The following MON1B variants were observed in gnomAD, a reference collection of about 807,000 sequenced individuals.
MON1B encodes the protein MON1 vesicular trafficking associated B.
Under a neutral mutation model 45.1 loss-of-function variants are expected in MON1B, and 26 were observed. The ratio of observed to expected loss-of-function variants is 0.58; its 90% confidence interval spans 0.42 to 0.80. The LOEUF is 0.80. Ranked by LOEUF, MON1B falls within the 30% of genes least tolerant of loss-of-function variation. The pLI is 0.00. For missense variants in MON1B, 737 were observed against 754.5 expected, an observed-to-expected ratio of 0.98 and a Z score of 0.27; for synonymous variants, 395 against 320.2, an observed-to-expected ratio of 1.23 and a Z score of -2.49.
chr16:77,199,911 C>T lies in MON1B; in HGVS notation c.*1603C>T, dbSNP rs2054712682. The T allele has an allele frequency of 6.3e-6, 1 of 159,536 alleles. No homozygotes were observed. Among genetic ancestry groups the T allele is most frequent in the Non-Finnish European group, 1.4e-5 (1 of 73,238 alleles). The allele number at this position is 159,536 out of a possible 1,614,324, so 9.9% of individuals were successfully genotyped here. On this transcript the variant is annotated 3_prime_UTR_variant, in exon 6 of 6. Coordinates refer to ENST00000248248, the MANE Select transcript of MON1B (RefSeq NM_014940.4). ...TATGACACTTTGATGGACTCTTAAA[C>T]CTCCTAATCGAACATGGCCTCCCCC...
chr16:77,191,216 G>A lies in MON1B; in HGVS notation c.-53G>A. On this transcript the variant is annotated 5_prime_UTR_variant, in exon 1 of 6. Transcript: ENST00000248248. The stretch of plus-strand genomic sequence containing the variant: ...AGTGTGATGCCACCGCCGCTACGGG[G>A]AAGTAATGGTATCCGGCCAATTGAG... 6.5e-7 allele frequency: 1 copy of A among 1,536,350 alleles called. No homozygotes were observed. The highest frequency in any genetic ancestry group is 8.7e-7 in the Non-Finnish European group (1 of 1,146,920).
chr16:77,195,772 C>T, intron 5 of MON1B, 90 bp downstream of exon 5: 1 of 1,493,618 alleles, frequency 6.7e-7, no homozygotes, highest in South Asian at 1.2e-5. Context: ...GTGCCTCCAC[C>T]AAACACAGCA....
In MON1B at chr16:77,193,433, C is replaced by T; in HGVS notation, c.149-18C>T. The T allele has an allele frequency of 6.5e-7, 1 of 1,535,538 alleles. No individual in the cohort carries two copies. Among genetic ancestry groups the T allele is most frequent in the Non-Finnish European group, 8.8e-7 (1 of 1,141,040 alleles). ...TAGGAGTTCACATGCAGATGACCCA[C>T]CAGGGGCTCCCTTTCAGGATCCAAG... On this transcript the variant is annotated intron_variant, in intron 2 of 5. Transcript: ENST00000248248. The surrounding 1 kb of genome is among the most constrained non-coding windows in gnomAD (Gnocchi z 5.0).
In MON1B at chr16:77,194,378, C is replaced by A. The variant is rs370109562; in HGVS notation, c.519C>A (p.Leu173=). Residue 173 remains leucine (L), a synonymous_variant, in exon 4 of 6, where the codon CTC becomes CTA. Transcript: ENST00000248248. This position sits in a 1 kb window ranked among gnomAD's most constrained non-coding sequence, Gnocchi z 8.1. ...LVFLQQGPLL[L]VAMSRTSQSA... ...TCCTACAACAGGGCCCACTGTTGCT[C>A]GTGGCCATGTCACGGACTTCTCAGT... The A allele has an allele frequency of 6.2e-7, 1 of 1,611,312 alleles. No homozygotes were observed. The highest frequency in any genetic ancestry group is 8.5e-7 in the Non-Finnish European group (1 of 1,179,988).
Position 77,194,365 on chromosome 16 carries a change from G to T in MON1B, c.506G>T (p.Gly169Val). 6.2e-7 allele frequency: 1 copy of T among 1,609,256 alleles called. No homozygotes were observed. The change falls in exon 4 of 6, where the codon GGC becomes GTC. Residue 169 changes from glycine (G) to valine (V), a missense_variant. Coordinates refer to ENST00000248248, the MANE Select transcript of MON1B (RefSeq NM_014940.4). The surrounding 1 kb of genome is among the most constrained non-coding windows in gnomAD (Gnocchi z 8.1). ...EDHKLVFLQQ[G>V]PLLLVAMSRT... is the part of the protein sequence containing the mutation. The stretch of plus-strand genomic sequence containing the variant: ...CACAAGCTGGTGTTCCTACAACAGG[G>T]CCCACTGTTGCTCGTGGCCATGTCA...
At position 77,199,860 on chromosome 16, in the gene MON1B, A is replaced by G. The variant is rs1237610465; in HGVS notation, c.*1552A>G. Reference sequence around the variant, plus strand: ...CCACCCCTTATTAACAGTAATTCCCAGTGTCGCCATTTCACACCTAACACA... The same window carrying G: ...CCACCCCTTATTAACAGTAATTCCCGGTGTCGCCATTTCACACCTAACACA... On this transcript the variant is annotated 3_prime_UTR_variant, in exon 6 of 6. Transcript: ENST00000248248. 1 of 198,320 alleles carries G rather than the reference A, an allele frequency of 5.0e-6. No homozygotes were observed. Among genetic ancestry groups the G allele is most frequent in the East Asian group, 1.3e-4 (1 of 7,508 alleles). The allele number at this position is 198,320 out of a possible 1,614,324, so 12.3% of individuals were successfully genotyped here. A position where few individuals can be genotyped will look rare whatever the true frequency, so the allele number is the denominator to read the frequency against.
rs1400044403 is a variant in MON1B, at chr16:77,199,259, C to T, written c.*951C>T. The T allele has an allele frequency of 1.0e-5, 6 of 587,788 alleles. No individual in the cohort carries two copies. The highest frequency in any genetic ancestry group is 1.8e-5 in the Non-Finnish European group (6 of 325,974). The allele number at this position is 587,788 out of a possible 1,614,324, so 36.4% of individuals were successfully genotyped here. On this transcript the variant is annotated 3_prime_UTR_variant, in exon 6 of 6. Coordinates refer to ENST00000248248, the MANE Select transcript of MON1B (RefSeq NM_014940.4). ...CTGCCCTTGTTTGTGGAGTTACAGC[C>T]TCAAGGTTGTAGCATGTGTGCTGGC...
rs2142498269 is a variant in MON1B at position 77,194,247 on chromosome 16, G to A, written c.476-88G>A. The A allele has an allele frequency of 8.4e-7, 1 of 1,195,428 alleles. No individual in the cohort carries two copies. The highest frequency in any genetic ancestry group is 1.5e-5 in the African/African-American group (1 of 67,066). 74.1% of individuals were successfully genotyped at this position (1,195,428 alleles called of 1,614,324 possible). A position where few individuals can be genotyped will look rare whatever the true frequency, so the allele number is the denominator to read the frequency against. On this transcript the variant is annotated intron_variant, in intron 3 of 5. Transcript: ENST00000248248. This position sits in a 1 kb window ranked among gnomAD's most constrained non-coding sequence, Gnocchi z 8.1. ...GTGGACTCGGGCCTGGTGTGTGTAT[G>A]GTAGGAGAGGGCAGAAGAGCCCCAC...
chr16:77,191,939 C>T (rs984484047), intron 2 of MON1B, among the ~76,000 whole-genome samples: 2 of 151,986 alleles, frequency 1.3e-5, no homozygotes, highest in African/African-American at 2.4e-5. Flanking sequence ...TCAAAGAATG[C>T]GCTGAAGAAA....
rs2161716 is a variant in MON1B, at chr16:77,200,313, G to A, written c.*2005G>A. The A allele has an allele frequency of 0.43, 48,450 of 112,350 alleles. 8,802 individuals are homozygous for A. Among genetic ancestry groups the A allele is most frequent in the Admixed American group, 0.54 (6,333 of 11,794 alleles). The allele number at this position is 112,350 out of a possible 1,614,324, so 7.0% of individuals were successfully genotyped here. ...ATATACACACACTAATCAGCCGGGC[G>A]CGGTGGTGTGGGCCTGTAATCGCAG... On this transcript the variant is annotated 3_prime_UTR_variant, in exon 6 of 6. Transcript: ENST00000248248.
rs2054749638 is a variant in MON1B at position 77,202,117 on chromosome 16, C to G, written c.*3809C>G. On this transcript the variant is annotated 3_prime_UTR_variant, in exon 6 of 6. Coordinates refer to ENST00000248248, the MANE Select transcript of MON1B (RefSeq NM_014940.4). ...ATTTTAAAATATAAAGGAGAAGAGG[C>G]AAAATGTTGAATGGCACCTGAGGAT... 6.6e-6 allele frequency: 1 copy of G among 152,046 alleles called. No homozygotes were observed. Among genetic ancestry groups the G allele is most frequent in the Admixed American group, 6.5e-5 (1 of 15,272 alleles). 9.4% of individuals were successfully genotyped at this position (152,046 alleles called of 1,614,324 possible).
Position 77,199,506 on chromosome 16 carries a change from G to C in MON1B, c.*1198G>C. 3.9e-6 allele frequency: 6 copies of C among 1,551,486 alleles called. No homozygotes were observed. Among genetic ancestry groups the C allele is most frequent in the Non-Finnish European group, 5.2e-6 (6 of 1,146,934 alleles). Reference sequence around the variant, plus strand: ...GGAGGCGCCAGAAGCTACTGAGGAGGCTGAAGGTAGTGAGGGCAAGTGGGC... The same window carrying C: ...GGAGGCGCCAGAAGCTACTGAGGAGCCTGAAGGTAGTGAGGGCAAGTGGGC... On this transcript the variant is annotated 3_prime_UTR_variant, in exon 6 of 6. Coordinates refer to ENST00000248248, the MANE Select transcript of MON1B (RefSeq NM_014940.4).
At position 77,198,429 on chromosome 16, in the gene MON1B, G is replaced by C; in HGVS notation, c.*121G>C. ...GCCAGTCATTGTCTCCCTAAGCAAT[G>C]GGGCAAGGTCTGAGGGCCCACCGAT... On this transcript the variant is annotated 3_prime_UTR_variant, in exon 6 of 6. Transcript: ENST00000248248. 1 of 1,157,074 alleles carries C rather than the reference G, an allele frequency of 8.6e-7. No individual in the cohort carries two copies. The highest frequency in any genetic ancestry group is 2.4e-5 in the East Asian group (1 of 41,086). The allele number at this position is 1,157,074 out of a possible 1,614,324, so 71.7% of individuals were successfully genotyped here.
intron 2 of MON1B, 43 bp downstream of exon 2, chr16:77,191,676 G>T (rs1362945754): frequency 1.3e-6 from 2 of 1,573,130 alleles, no homozygotes; most frequent in Non-Finnish European, 8.6e-7. Context: ...ATCCTTAGGG[G>T]TTGTCATTGT....
chr16:77,191,517 C>A lies in MON1B; in HGVS notation c.32C>A (p.Ala11Asp). MEVGGDTAAP[A>D]PGGAEDLEDT... ...GTCGGAGGAGACACTGCTGCCCCGGCCCCCGGGGGCGCGGAGGACTTGGAG... is the reference window on the plus strand; with the variant it reads ...GTCGGAGGAGACACTGCTGCCCCGGACCCCGGGGGCGCGGAGGACTTGGAG... Residue 11 changes from alanine to aspartate, a missense_variant, in exon 2 of 6, where the codon GCC becomes GAC. Physicochemically the swap from Ala to Asp is moderately radical, Grantham distance 126. Coordinates refer to ENST00000248248, the MANE Select transcript of MON1B (RefSeq NM_014940.4). The A allele has an allele frequency of 6.2e-7, 1 of 1,605,332 alleles. No individual in the cohort carries two copies. Among genetic ancestry groups the A allele is most frequent in the South Asian group, 1.1e-5 (1 of 90,182 alleles).
In MON1B at chr16:77,199,281, T is replaced by C. The variant is rs2142505605; in HGVS notation, c.*973T>C. 1.6e-6 allele frequency: 1 copy of C among 622,386 alleles called. No individual in the cohort carries two copies. Among genetic ancestry groups the C allele is most frequent in the South Asian group, 2.1e-5 (1 of 48,750 alleles). 38.6% of individuals were successfully genotyped at this position (622,386 alleles called of 1,614,324 possible). A position where few individuals can be genotyped will look rare whatever the true frequency, so the allele number is the denominator to read the frequency against. ...AGCCTCAAGGTTGTAGCATGTGTGC[T>C]GGCAATCAGGGCCGCAGTGTGTTCT... On this transcript the variant is annotated 3_prime_UTR_variant, in exon 6 of 6. Coordinates refer to ENST00000248248, the MANE Select transcript of MON1B (RefSeq NM_014940.4).
At position 77,197,720 on chromosome 16, in the gene MON1B, A is replaced by G. The variant is rs193017193; in HGVS notation, c.1444-388A>G. Among the ~76,000 whole-genome samples, 563 of 152,302 alleles carry G rather than the reference A, an allele frequency of 3.7e-3. 9 individuals are homozygous for G. Among genetic ancestry groups the G allele is most frequent in the African/African-American group, 0.013 (548 of 41,552 alleles). ...CAGGCCTCTCCATGTGGTATGAGGCATAAATTGAGTTCCTCTTTATATTAT... is the reference window on the plus strand; with the variant it reads ...CAGGCCTCTCCATGTGGTATGAGGCGTAAATTGAGTTCCTCTTTATATTAT... On this transcript the variant is annotated intron_variant, in intron 5 of 5. Transcript: ENST00000248248.
chr16:77,191,681 C>A (rs1295915034), intron 2 of MON1B, 48 bp downstream of exon 2: 1 of 1,567,460 alleles, frequency 6.4e-7, no homozygotes, highest in East Asian at 2.3e-5. Flanking sequence ...TAGGGGTTGT[C>A]ATTGTTGGAC....
rs2054696736 is a variant in MON1B at position 77,198,907 on chromosome 16, G to T, written c.*599G>T. On this transcript the variant is annotated 3_prime_UTR_variant, in exon 6 of 6. Coordinates refer to ENST00000248248, the MANE Select transcript of MON1B (RefSeq NM_014940.4). ...CATTAATGAGAAGGTGGCCTTCAGT[G>T]TCCACCTGTGGAACCCAGGACACAG... 6.1e-6 allele frequency: 1 copy of T among 162,838 alleles called. No homozygotes were observed. The highest frequency in any genetic ancestry group is 1.4e-5 in the Non-Finnish European group (1 of 73,582). The allele number at this position is 162,838 out of a possible 1,614,324, so 10.1% of individuals were successfully genotyped here.
Sources: allele counts gnomAD v4.1 joint callset (sites outside exome capture counted in the v4.1 genomes callset), GRCh38; gene constraint gnomAD v4.1.1; non-coding constraint Gnocchi (gnomAD v3.1); transcripts MANE v1.5; gene names NCBI Gene and HGNC (gene_info 2026-07-23, HGNC 2026-07-21).